Variants in PRMT9 observed in about 807,000 individuals in gnomAD.
The protein encoded by PRMT9 is protein arginine N-methyltransferase 9.
PRMT9 carries 59 observed loss-of-function variants against 83.2 expected under a neutral mutation model. That is an observed-to-expected ratio of 0.71 (90% CI 0.57 to 0.88). PRMT9 has a LOEUF of 0.88. Ranked by LOEUF, PRMT9 falls within the 40% of genes least tolerant of loss-of-function variation. PRMT9 has a pLI of 0.00. For missense variants in PRMT9, 947 were observed against 1,021.9 expected (o/e 0.93, Z 1.00); for synonymous variants, 333 against 353.2 (o/e 0.94, Z 0.64).
At chr4:147,667,068 T>C (rs112375400) in intron 6 of PRMT9, among the ~76,000 whole-genome samples, 2 of 152,278 alleles carry the variant, frequency 1.3e-5, no homozygotes, top group African/African-American at 4.8e-5. Flanking sequence ...GAGGAACTAT[T>C]GAGGGAAGGG....
At position 147,638,508 on chromosome 4, in the gene PRMT9, C is replaced by T. The variant is rs1385088741; in HGVS notation, c.*24G>A. The T allele has an allele frequency of 2.5e-6, 4 of 1,581,066 alleles. No homozygotes were observed. The highest frequency in any genetic ancestry group is 1.3e-5 in the African/African-American group (1 of 74,312). ...TGTACTTGTTGATGCTCTATTTACA[C>T]AGTTTTCATTGGAAAACTGCTCTTC... On this transcript the variant is annotated 3_prime_UTR_variant, in exon 12 of 12. Coordinates refer to ENST00000322396, the MANE Select transcript of PRMT9 (RefSeq NM_138364.4).
intron 4 of PRMT9, 31 bp downstream of exon 4, chr4:147,672,928 T>A: frequency 6.3e-7 from 1 of 1,585,052 alleles, no homozygotes; most frequent in Non-Finnish European, 8.7e-7. Flanking sequence ...TAGAGAAGTA[T>A]AAACACTAAA....
chr4:147,640,643 A>G (rs1055732950), intron 10 of PRMT9, among the ~76,000 whole-genome samples: 1 of 152,132 alleles, frequency 6.6e-6, no homozygotes, highest in African/African-American at 2.4e-5. Context: ...CAGTATGGAA[A>G]CTATTCTTCC....
At chr4:147,680,077 G>A (rs894332070) in intron 2 of PRMT9, among the ~76,000 whole-genome samples, 1 of 152,168 alleles carries the variant, frequency 6.6e-6, no homozygotes, top group Non-Finnish European at 1.5e-5. Flanking sequence ...AATAAGGGGT[G>A]GCACTCAGCC....
chr4:147,667,817 T>C (rs1160681340), intron 6 of PRMT9, among the ~76,000 whole-genome samples: 1 of 152,140 alleles, frequency 6.6e-6, no homozygotes, highest in African/African-American at 2.4e-5. Flanking sequence ...ATTGAAGTAA[T>C]TAGACCAAAA....
At chr4:147,642,702 T>TAGC (rs1733482601) in intron 10 of PRMT9, 85 bp downstream of exon 10, 1 of 1,164,816 alleles carries the variant, frequency 8.6e-7, no homozygotes, top group African/African-American at 1.5e-5. Flanking sequence ...TCACTGTGTT[T>TAGC]AGCTAGATTA....
chr4:147,645,629 TTC>T (rs1406943544), intron 9 of PRMT9, among the ~76,000 whole-genome samples: 4 of 152,190 alleles, frequency 2.6e-5, no homozygotes, highest in Non-Finnish European at 5.9e-5. Context: ...TAATCTAGTG[TTC>T]TCTGTTATTA....
At chr4:147,640,628 A>G (rs568419031) in intron 10 of PRMT9, among the ~76,000 whole-genome samples, 1 of 152,136 alleles carries the variant, frequency 6.6e-6, no homozygotes, top group East Asian at 1.9e-4. Context: ...TATTTTCCCC[A>G]TTATCAGTAT....
chr4:147,654,092 C>T lies in PRMT9; in HGVS notation c.1805G>A (p.Gly602Glu), dbSNP rs1734311421. Residue 602 changes from glycine (G) to glutamate (E), a missense_variant, in exon 9 of 12, where the codon GGG becomes GAG. Coordinates refer to ENST00000322396, the MANE Select transcript of PRMT9 (RefSeq NM_138364.4). ...SVLPVIAGTL[G>E]QVKPYSSVEK... Reference sequence around the variant, plus strand: ...CACAGAACTGTATGGTTTAACCTGCCCAAGTGTGCCAGCAATAACAGGCAG... The same window carrying T: ...CACAGAACTGTATGGTTTAACCTGCTCAAGTGTGCCAGCAATAACAGGCAG... 2 of 1,614,142 alleles carry T rather than the reference C, an allele frequency of 1.2e-6. No individual in the cohort carries two copies. The highest frequency in any genetic ancestry group is 1.7e-6 in the Non-Finnish European group (2 of 1,180,032).
chr4:147,669,732 C>A (rs1281566512), intron 5 of PRMT9, among the ~76,000 whole-genome samples: 1 of 151,954 alleles, frequency 6.6e-6, no homozygotes, highest in Non-Finnish European at 1.5e-5. Context: ...CTTTAACTAG[C>A]AATTTTAAAT....
chr4:147,674,920 C>A (rs1013088272), intron 2 of PRMT9, among the ~76,000 whole-genome samples: 5 of 152,228 alleles, frequency 3.3e-5, no homozygotes, highest in African/African-American at 1.2e-4. Context: ...GCTAGTAGAA[C>A]CCTCTTCATT....
chr4:147,647,137 C>T (rs927570447), intron 9 of PRMT9, among the ~76,000 whole-genome samples: 1 of 152,078 alleles, frequency 6.6e-6, no homozygotes, highest in African/African-American at 2.4e-5. Flanking sequence ...AATGTAGGCA[C>T]AGTTAAATGA....
At position 147,660,897 on chromosome 4, in the gene PRMT9, C is replaced by T; in HGVS notation, c.1095G>A (p.Leu365=). The change falls in exon 7 of 12, where the codon TTG becomes TTA. Residue 365 remains leucine (L), a synonymous_variant. Coordinates refer to ENST00000322396, the MANE Select transcript of PRMT9 (RefSeq NM_138364.4). The part of the protein sequence containing the change: ...EKMSRVPGGY[L]ALTECFEIMT... ...TAATTTCAAAGCACTCTGTCAAAGCCAAATATCCTCCAGGAACTCGACTCA... is the reference window on the plus strand; with the variant it reads ...TAATTTCAAAGCACTCTGTCAAAGCTAAATATCCTCCAGGAACTCGACTCA... The T allele has an allele frequency of 2.5e-6, 4 of 1,613,804 alleles. No homozygotes were observed. Among genetic ancestry groups the T allele is most frequent in the Non-Finnish European group, 3.4e-6 (4 of 1,179,810 alleles).
Position 147,640,061 on chromosome 4 carries a change from C to CTTTTTTT in PRMT9, c.2200-986_2200-980dup, listed in dbSNP as rs1185905675. On this transcript the variant is annotated intron_variant, in intron 10 of 11. Coordinates refer to ENST00000322396, the MANE Select transcript of PRMT9 (RefSeq NM_138364.4). ...CTCACACTAACTGGTCCACTCCTGT[C>CTTTTTTT]TTTTTTTTTTTTTTTTTTTTTTTTT... 1.7e-4 allele frequency among the ~76,000 whole-genome samples: 6 copies of CTTTTTTT among 35,096 alleles called. 3 individuals carry two copies. In the East Asian group the frequency reaches 3.6e-3, roughly 21 times the overall value. 23.0% of individuals were successfully genotyped at this position (35,096 alleles called of 152,430 possible). A position where few individuals can be genotyped will look rare whatever the true frequency, so the allele number is the denominator to read the frequency against.
chr4:147,654,718 ACT>A (rs1578895855), intron 8 of PRMT9, 152 bp from the exon 9 acceptor site: 1 of 631,078 alleles, frequency 1.6e-6, no homozygotes, highest in Non-Finnish European at 2.7e-6. Context: ...AACTAGGAAA[ACT>A]CTACCAGATT....
In PRMT9 at chr4:147,638,412, T is replaced by C; in HGVS notation, c.*120A>G. On this transcript the variant is annotated 3_prime_UTR_variant, in exon 12 of 12. Transcript: ENST00000322396. Reference sequence around the variant, plus strand: ...AATCTTTTAAAATATGCTTTATTAATGTCAATTTTAAAAAATATTTGACCA... The same window carrying C: ...AATCTTTTAAAATATGCTTTATTAACGTCAATTTTAAAAAATATTTGACCA... The C allele has an allele frequency of 1.4e-6, 1 of 729,190 alleles. No homozygotes were observed. Among genetic ancestry groups the C allele is most frequent in the African/African-American group, 1.8e-5 (1 of 56,660 alleles). The allele number at this position is 729,190 out of a possible 1,614,324, so 45.2% of individuals were successfully genotyped here. A position where few individuals can be genotyped will look rare whatever the true frequency, so the allele number is the denominator to read the frequency against.
chr4:147,667,940 TTTTCCA>T (rs949621798), intron 6 of PRMT9, among the ~76,000 whole-genome samples: 23 of 151,922 alleles, frequency 1.5e-4, no homozygotes, highest in Non-Finnish European at 2.8e-4. Context: ...TCAAAATTAA[TTTTCCA>T]TTAAAAAAAA....
intron 6 of PRMT9, among the ~76,000 whole-genome samples, chr4:147,663,668 A>C (rs139171964): frequency 2.0e-5 from 3 of 151,904 alleles, no homozygotes; most frequent in Admixed American, 6.6e-5. Context: ...GCCCAGCCAG[A>C]CAATTTCTTG....
chr4:147,641,284 AC>A (rs1733381966), intron 10 of PRMT9, among the ~76,000 whole-genome samples: 2 of 152,290 alleles, frequency 1.3e-5, no homozygotes, highest in Admixed American at 6.5e-5. Flanking sequence ...CAGAAGGTCA[AC>A]ATCTGGCCCC....
Sources: allele counts gnomAD v4.1 joint callset (sites outside exome capture counted in the v4.1 genomes callset), GRCh38; gene constraint gnomAD v4.1.1; transcripts MANE v1.5; gene names NCBI Gene and HGNC (gene_info 2026-07-23, HGNC 2026-07-21).